Variants in ADK observed in about 807,000 individuals in gnomAD.
ADK encodes the protein adenosine kinase.
A neutral mutation model predicts 44.7 loss-of-function variants in ADK; 24 were observed. The observed-to-expected ratio is 0.54, with a 90% CI of 0.39 to 0.76. ADK has a LOEUF of 0.76. ADK is among the 30% of genes least tolerant of loss of function. The pLI is 0.00. For missense variants in ADK, 321 were observed against 425.1 expected (o/e 0.76, Z 2.15); for synonymous variants, 128 against 142.6 (o/e 0.90, Z 0.73).
intron 6 of ADK, among the ~76,000 whole-genome samples, chr10:74,475,162 C>G (rs1305960878): frequency 6.6e-6 from 1 of 151,534 alleles, no homozygotes; most frequent in Non-Finnish European, 1.5e-5. Flanking sequence ...AAAAACAAAA[C>G]AAAAAACCCT....
chr10:74,435,096 T>C lies in ADK; in HGVS notation c.555+36517T>C, dbSNP rs561635801. On this transcript the variant is annotated intron_variant, in intron 6 of 10. Coordinates refer to ENST00000539909, the MANE Select transcript of ADK (RefSeq NM_006721.4). ...GGCACATTACATCGAGTGAAGACTG[T>C]TGGGTGAGAGGGAAGGTTTGCTTAA... is the stretch of plus-strand genomic sequence containing the variant. Among the ~76,000 whole-genome samples, 14 of 152,180 alleles carry C rather than the reference T, an allele frequency of 9.2e-5. No homozygotes were observed. In the East Asian group the frequency reaches 1.2e-3, roughly 13 times the overall value.
chr10:74,371,523 A>C (rs1253657018), intron 4 of ADK: 6 of 871,610 alleles, frequency 6.9e-6, no homozygotes, highest in Non-Finnish European at 1.1e-5. Flanking sequence ...GCTTAAAGCG[A>C]AACTTTTCAC....
intron 1 of ADK, among the ~76,000 whole-genome samples, chr10:74,161,469 A>G (rs930960994): frequency 6.6e-5 from 10 of 152,144 alleles, no homozygotes; most frequent in African/African-American, 2.4e-4. Context: ...TCAACCTCCC[A>G]AAGTGCTGGG....
At chr10:74,195,079 G>A (rs761042920) in intron 1 of ADK, among the ~76,000 whole-genome samples, 1 of 90,664 alleles carries the variant, frequency 1.1e-5, no homozygotes, top group Non-Finnish European at 2.3e-5. Context: ...ATTACTGACC[G>A]CTCCCCCCCC....
At chr10:74,398,849 T>A (rs1843614981) in intron 6 of ADK, among the ~76,000 whole-genome samples, 1 of 152,092 alleles carries the variant, frequency 6.6e-6, no homozygotes, top group Non-Finnish European at 1.5e-5. Context: ...GAATTCTATA[T>A]TAAATCAGTT....
Position 74,708,690 on chromosome 10 carries a change from A to G in ADK, c.*245A>G, listed in dbSNP as rs901221128. 8.2e-6 allele frequency: 3 copies of G among 366,910 alleles called. No individual in the cohort carries two copies. Among genetic ancestry groups the G allele is most frequent in the African/African-American group, 6.2e-5 (3 of 48,034 alleles). 22.7% of individuals were successfully genotyped at this position (366,910 alleles called of 1,614,324 possible). ...ACTTAAATGCCAATTAAACAAGAAT[A>G]TAACATTTCAATAGAAATTTTTATT... On this transcript the variant is annotated 3_prime_UTR_variant, in exon 11 of 11. Transcript: ENST00000539909.
intron 4 of ADK, among the ~76,000 whole-genome samples, chr10:74,353,423 G>A (rs1408572831): frequency 6.6e-6 from 1 of 152,044 alleles, no homozygotes; most frequent in African/African-American, 2.4e-5. Flanking sequence ...AGGGGTCAAG[G>A]GGAGGGAGAG....
At chr10:74,283,047 G>GT (rs1042911287) in intron 3 of ADK, among the ~76,000 whole-genome samples, 5 of 152,144 alleles carry the variant, frequency 3.3e-5, no homozygotes, top group African/African-American at 9.7e-5. Context: ...AGGAAAAATT[G>GT]TTGGGAAGCT....
intron 10 of ADK, among the ~76,000 whole-genome samples, chr10:74,689,139 C>T (rs1855894413): frequency 6.6e-6 from 1 of 151,852 alleles, no homozygotes; most frequent in African/African-American, 2.4e-5. Flanking sequence ...GTCCCAGCTA[C>T]TCGGGAGGCT....
chr10:74,572,511 T>C (rs1311023443), intron 7 of ADK, among the ~76,000 whole-genome samples: 1 of 152,184 alleles, frequency 6.6e-6, no homozygotes, highest in Non-Finnish European at 1.5e-5. Context: ...GGAGTATCTT[T>C]GTGGCATTCT....
At chr10:74,189,279 T>G in intron 1 of ADK, among the ~76,000 whole-genome samples, 1 of 152,234 alleles carries the variant, frequency 6.6e-6, no homozygotes, top group East Asian at 1.9e-4. Flanking sequence ...ATTTTCAATT[T>G]TACATGGTGT....
chr10:74,252,849 A>T (rs1242544721), intron 3 of ADK, among the ~76,000 whole-genome samples: 2 of 152,216 alleles, frequency 1.3e-5, no homozygotes, highest in African/African-American at 2.4e-5. Flanking sequence ...TAAAACTGCT[A>T]TTCCTTTTCA....
chr10:74,224,689 C>T lies in ADK; in HGVS notation c.194+98C>T, dbSNP rs116477529. On this transcript the variant is annotated intron_variant, in intron 3 of 10. Transcript: ENST00000539909. ...TCTGATTTTCAAAATTATATAATGACAAAGTATAATTAACACTATGACCTT... is the reference window on the plus strand; with the variant it reads ...TCTGATTTTCAAAATTATATAATGATAAAGTATAATTAACACTATGACCTT... 2,979 of 965,794 alleles carry T rather than the reference C, an allele frequency of 3.1e-3. 69 individuals carry two copies. In the African/African-American group the frequency reaches 0.044, roughly 14 times the overall value. The allele number at this position is 965,794 out of a possible 1,614,324, so 59.8% of individuals were successfully genotyped here. A position where few individuals can be genotyped will look rare whatever the true frequency, so the allele number is the denominator to read the frequency against.
chr10:74,194,910 C>T (rs576511454), intron 1 of ADK, among the ~76,000 whole-genome samples: 4 of 152,178 alleles, frequency 2.6e-5, no homozygotes, highest in Non-Finnish European at 5.9e-5. Context: ...GGCTAATCAA[C>T]ATTCAAACAT....
intron 9 of ADK, among the ~76,000 whole-genome samples, chr10:74,657,026 GTT>G (rs1314839172): frequency 2.1e-5 from 3 of 142,442 alleles, no homozygotes; most frequent in Admixed American, 7.0e-5. Flanking sequence ...TACCTAGCTA[GTT>G]TTTTTTTTTT....
chr10:74,521,373 A>G (rs923459567), intron 6 of ADK, among the ~76,000 whole-genome samples: 25 of 152,170 alleles, frequency 1.6e-4, no homozygotes, highest in Non-Finnish European at 2.8e-4. Flanking sequence ...TTTAAAGGAA[A>G]ACACACACAC....
intron 10 of ADK, among the ~76,000 whole-genome samples, chr10:74,676,199 G>A (rs904220033): frequency 6.6e-6 from 1 of 151,688 alleles, no homozygotes. Flanking sequence ...ACAGAATCTC[G>A]GCTCACTACA....
At position 74,571,654 on chromosome 10, in the gene ADK, G is replaced by A. The variant is rs913164500; in HGVS notation, c.727-17628G>A. On this transcript the variant is annotated intron_variant, in intron 7 of 10. Coordinates refer to ENST00000539909, the MANE Select transcript of ADK (RefSeq NM_006721.4). The stretch of plus-strand genomic sequence containing the variant: ...GTGATATCCCCTTATTTTTTATTGC[G>A]TCTATTTGATTCTTCTCTCTTTTTT... Among the ~76,000 whole-genome samples the A allele has an allele frequency of 1.3e-4, 20 of 152,066 alleles. No homozygotes were observed. The South Asian group carries it at 1.7e-3, about 13-fold the overall frequency.
intron 6 of ADK, among the ~76,000 whole-genome samples, chr10:74,501,093 TAAAC>T (rs1014964992): frequency 2.0e-5 from 3 of 152,146 alleles, no homozygotes; most frequent in African/African-American, 4.8e-5. Context: ...TTCATAGAAA[TAAAC>T]AATGCAAACT....
Sources: gnomAD v4.1 joint callset for allele counts (sites outside exome capture counted in the v4.1 genomes callset) on GRCh38, gnomAD v4.1.1 for gene constraint, MANE v1.5 for transcripts, NCBI Gene and HGNC (gene_info 2026-07-23, HGNC 2026-07-21) for gene names.